Variants in DBX2 observed in about 807,000 individuals in gnomAD.
The protein encoded by DBX2 is developing brain homeobox 2, also known as homeobox protein DBX2.
DBX2 carries 16 observed loss-of-function variants against 17.7 expected under a neutral mutation model. The ratio of observed to expected loss-of-function variants is 0.90; its 90% CI spans 0.61 to 1.37. DBX2 has a LOEUF of 1.37. Among genes scored for constraint, DBX2 ranks in the 40% most tolerant of loss-of-function variants. The probability of loss-of-function intolerance (pLI) is 0.00; values close to 1 mark genes in which losing one functional copy is unlikely to be tolerated. For synonymous variants in DBX2, 255 were observed against 183.8 expected (o/e 1.39, Z -3.13); for missense variants, 538 against 433.8 (o/e 1.24, Z -2.13).
At chr12:45,046,601 T>C (rs917514927) in intron 1 of DBX2, among the ~76,000 whole-genome samples, 2 of 152,188 alleles carry the variant, frequency 1.3e-5, no homozygotes, top group Non-Finnish European at 1.5e-5. Context: ...TTTTCTCCCT[T>C]GCGTAGGTGC....
chr12:45,017,502 T>C (rs186001789), intron 3 of DBX2, among the ~76,000 whole-genome samples: 2 of 152,348 alleles, frequency 1.3e-5, no homozygotes, highest in African/African-American at 4.8e-5. Context: ...AGGAGCTTTC[T>C]GAGACTAAAT....
chr12:45,020,803 T>C (rs1946347956), intron 3 of DBX2, among the ~76,000 whole-genome samples: 1 of 151,902 alleles, frequency 6.6e-6, no homozygotes, highest in African/African-American at 2.4e-5. Flanking sequence ...TAAGGGCGCA[T>C]GGTAAGCATG....
At position 45,050,902 on chromosome 12, in the gene DBX2, T is replaced by G; in HGVS notation, c.26A>C (p.His9Pro). The change falls in exon 1 of 4, where the codon CAC becomes CCC. Residue 9 changes from histidine (H) to proline (P), a missense_variant. His to Pro is a moderately conservative substitution (Grantham distance 77). Coordinates refer to ENST00000332700, the MANE Select transcript of DBX2 (RefSeq NM_001004329.3). Reference protein sequence around the residue: MLPSAVAAHAGAYWDVVAS... With the variant: MLPSAVAAPAGAYWDVVAS... The stretch of plus-strand genomic sequence containing the variant: ...CACAACGTCCCAGTACGCACCGGCG[T>G]GGGCTGCGACCGCGCTGGGGAGCAT... The G allele has an allele frequency of 1.3e-6, 2 of 1,512,698 alleles. No individual in the cohort carries two copies. Among genetic ancestry groups the G allele is most frequent in the Non-Finnish European group, 1.8e-6 (2 of 1,132,484 alleles). The allele number at this position is 1,512,698 out of a possible 1,614,324, so 93.7% of individuals were successfully genotyped here.
At position 45,023,841 on chromosome 12, in the gene DBX2, T is replaced by C; in HGVS notation, c.553A>G (p.Arg185Gly). 6.2e-7 allele frequency: 1 copy of C among 1,604,980 alleles called. No individual in the cohort carries two copies. The highest frequency in any genetic ancestry group is 8.5e-7 in the Non-Finnish European group (1 of 1,176,294). Reference protein sequence around the residue: ...LTQDSNSKARRGILRRAVFSE... With the variant: ...LTQDSNSKARGGILRRAVFSE... Reference sequence around the variant, plus strand: ...AAGACAGCTCTTCTTAAAATGCCCCTCCGAGCTTTGGAATTAGAGTCCTGT... The same window carrying C: ...AAGACAGCTCTTCTTAAAATGCCCCCCCGAGCTTTGGAATTAGAGTCCTGT... Residue 185 changes from arginine to glycine, a missense_variant, in exon 3 of 4, where the codon AGG becomes GGG. By Grantham distance (125) the Arg-to-Gly change is moderately radical. Transcript: ENST00000332700.
At chr12:45,034,196 T>C (rs769165923) in intron 2 of DBX2, among the ~76,000 whole-genome samples, 1 of 152,008 alleles carries the variant, frequency 6.6e-6, no homozygotes, top group South Asian at 2.1e-4. Flanking sequence ...CATTTCCACT[T>C]ACCTGGACTG....
intron 2 of DBX2, among the ~76,000 whole-genome samples, chr12:45,025,457 T>C (rs147544566): frequency 6.6e-6 from 1 of 152,054 alleles, no homozygotes; most frequent in African/African-American, 2.4e-5. Flanking sequence ...AAATAATAAG[T>C]ACCTGTTGCT....
chr12:45,031,978 C>A (rs1257350739), intron 2 of DBX2, among the ~76,000 whole-genome samples: 1 of 152,006 alleles, frequency 6.6e-6, no homozygotes, highest in African/African-American at 2.4e-5. Flanking sequence ...CAGAGAAAAC[C>A]ACCCCATATT....
intron 2 of DBX2, among the ~76,000 whole-genome samples, chr12:45,032,346 G>A (rs1946415078): frequency 6.6e-6 from 1 of 152,148 alleles, no homozygotes; most frequent in African/African-American, 2.4e-5. Flanking sequence ...ACAGTGCTAA[G>A]ATTAATCCTT....
At chr12:45,041,207 T>C (rs55806502) in intron 1 of DBX2, among the ~76,000 whole-genome samples, 32 of 148,522 alleles carry the variant, frequency 2.2e-4, no homozygotes, top group Non-Finnish European at 4.3e-4. Context: ...AAATTAAAAT[T>C]AATAAATTAT....
At chr12:45,028,224 A>G (rs1481233724) in intron 2 of DBX2, among the ~76,000 whole-genome samples, 1 of 152,216 alleles carries the variant, frequency 6.6e-6, no homozygotes, top group African/African-American at 2.4e-5. Context: ...CTGGAAACAC[A>G]GATTAGGGCC....
In DBX2 at chr12:45,050,517, T is replaced by A. The variant is rs548284331; in HGVS notation, c.403+8A>T. On this transcript the variant is annotated splice_region_variant and intron_variant, in intron 1 of 3. Transcript: ENST00000332700. The stretch of plus-strand genomic sequence containing the variant: ...CGCGGCTGGGGAGGGAGGGGAGAGC[T>A]GGCTCACCTGGCGCTGAAGGCTGGA... 12 of 1,546,648 alleles carry A rather than the reference T, an allele frequency of 7.8e-6. No individual in the cohort carries two copies. In the African/African-American group the frequency reaches 9.8e-5, roughly 13 times the overall value.
chr12:45,037,352 C>A (rs958198808), intron 1 of DBX2, among the ~76,000 whole-genome samples: 1 of 152,084 alleles, frequency 6.6e-6, no homozygotes, highest in Non-Finnish European at 1.5e-5. Flanking sequence ...GTGCCTAGCA[C>A]ATTCTAAACA....
At chr12:45,040,394 C>T (rs1362107110) in intron 1 of DBX2, among the ~76,000 whole-genome samples, 1 of 152,000 alleles carries the variant, frequency 6.6e-6, no homozygotes, top group African/African-American at 2.4e-5. Context: ...GCCTATATAT[C>T]CTATTAGTTC....
At chr12:45,038,298 G>A (rs1004211774) in intron 1 of DBX2, among the ~76,000 whole-genome samples, 2 of 147,626 alleles carry the variant, frequency 1.4e-5, no homozygotes, top group Non-Finnish European at 3.0e-5. Flanking sequence ...GACTTTTGTT[G>A]TTATTGTTGT....
At chr12:45,031,817 T>G (rs1383253756) in intron 2 of DBX2, among the ~76,000 whole-genome samples, 2 of 152,210 alleles carry the variant, frequency 1.3e-5, no homozygotes, top group Non-Finnish European at 2.9e-5. Flanking sequence ...AGACACATAC[T>G]GAGCTGACAG....
chr12:45,031,225 T>TGTGAGAGA lies in DBX2; in HGVS notation c.499+4793_499+4794insTCTCTCAC, dbSNP rs1377897653. ...GTGTGTGTGTGTGTGTGTGTGTGTG[T>TGTGAGAGA]GAGAGAGAGAGAGAGAGAGAGAGAG... is the stretch of plus-strand genomic sequence containing the variant. On this transcript the variant is annotated intron_variant, in intron 2 of 3. Transcript: ENST00000332700. Among the ~76,000 whole-genome samples the TGTGAGAGA allele has an allele frequency of 7.7e-3, 659 of 85,654 alleles. 4 individuals are homozygous for TGTGAGAGA. Among genetic ancestry groups the TGTGAGAGA allele is most frequent in the Non-Finnish European group, 8.8e-3 (399 of 45,098 alleles). 56.2% of individuals were successfully genotyped at this position (85,654 alleles called of 152,430 possible).
intron 2 of DBX2, among the ~76,000 whole-genome samples, chr12:45,025,906 G>C (rs1946378836): frequency 6.6e-6 from 1 of 151,232 alleles, no homozygotes; most frequent in Non-Finnish European, 1.5e-5. Context: ...TAGTATGTCT[G>C]AAAGCCCAAG....
Position 45,016,142 on chromosome 12 carries a change from G to C in DBX2, c.*144C>G. On this transcript the variant is annotated 3_prime_UTR_variant, in exon 4 of 4. Coordinates refer to ENST00000332700, the MANE Select transcript of DBX2 (RefSeq NM_001004329.3). ...TCTAGGGCCAAACAAGAGAACACTA[G>C]AGTGGGTTTCCTAAAGCATTAGTTC... 1 of 807,254 alleles carries C rather than the reference G, an allele frequency of 1.2e-6. No individual in the cohort carries two copies. The highest frequency in any genetic ancestry group is 3.4e-5 in the Admixed American group (1 of 29,058). The allele number at this position is 807,254 out of a possible 1,614,324, so 50.0% of individuals were successfully genotyped here.
chr12:45,016,807 A>AT lies in DBX2; in HGVS notation c.688-190dup, dbSNP rs747200884. Among the ~76,000 whole-genome samples, 327 of 151,602 alleles carry AT rather than the reference A, an allele frequency of 2.2e-3. 3 individuals are homozygous for AT. Among genetic ancestry groups the AT allele is most frequent in the Non-Finnish European group, 1.4e-3 (98 of 67,868 alleles). On this transcript the variant is annotated intron_variant, in intron 3 of 3. Transcript: ENST00000332700. ...TCCCATTGTATTTTATTTTATTATT[A>AT]TTTTTTTTGAGATGGGGTCTCTCTC...
Sources: gnomAD v4.1 joint callset for allele counts (sites outside exome capture counted in the v4.1 genomes callset) on GRCh38, gnomAD v4.1.1 for gene constraint, MANE v1.5 for transcripts, NCBI Gene and HGNC (gene_info 2026-07-23, HGNC 2026-07-21) for gene names.